ZNF879: variants seen among roughly 807,000 people sequenced by gnomAD.
The protein encoded by ZNF879 is zinc finger protein 879.
In ZNF879, 32 loss-of-function variants were observed where a neutral mutation model predicts 44.3. The ratio of observed to expected loss-of-function variants is 0.72; its 90% confidence interval spans 0.54 to 0.97. The LOEUF (loss-of-function observed/expected upper bound fraction) is 0.97, where lower values mean the gene tolerates loss of function less well. ZNF879 is among the 50% of genes least tolerant of loss of function. The probability of loss-of-function intolerance (pLI) is 0.00; values close to 1 mark genes in which losing one functional copy is unlikely to be tolerated. For synonymous variants in ZNF879, 234 were observed against 233.2 expected, an observed-to-expected ratio of 1.00 and a Z score of -0.03; for missense variants, 621 against 669.7, an observed-to-expected ratio of 0.93 and a Z score of 0.80.
chr5:179,024,124 C>T (rs1345712104), intron 1 of ZNF879, among the ~76,000 whole-genome samples: 1 of 152,326 alleles, frequency 6.6e-6, no homozygotes, highest in East Asian at 1.9e-4. Flanking sequence ...TGGGCCGCAG[C>T]CTGGGCCGGA....
Position 179,033,544 on chromosome 5 carries a change from A to G in ZNF879, c.1596A>G (p.Arg532=). The change falls in exon 5 of 5, where the codon AGA becomes AGG. Residue 532 remains arginine, a synonymous_variant. Transcript: ENST00000444149. The stretch of plus-strand genomic sequence containing the variant: ...GTTCATCCCTTATGACACACATGAG[A>G]ATTCATACAGGGGAAAAACCTTATA... ...RQSSSLMTHM[R]IHTGEKPYKC... is the part of the protein sequence containing the mutation. 2 of 1,553,968 alleles carry G rather than the reference A, an allele frequency of 1.3e-6. No individual in the cohort carries two copies. Among genetic ancestry groups the G allele is most frequent in the South Asian group, 2.4e-5 (2 of 84,160 alleles).
Position 179,033,757 on chromosome 5 carries a change from T to C in ZNF879, c.*117T>C. The C allele has an allele frequency of 1.4e-6, 1 of 714,216 alleles. No homozygotes were observed. The highest frequency in any genetic ancestry group is 2.8e-5 in the East Asian group (1 of 35,702). The allele number at this position is 714,216 out of a possible 1,614,324, so 44.2% of individuals were successfully genotyped here. Reference sequence around the variant, plus strand: ...TTAATCATAGGTAAAACTTCAGCATTAGACCTCATCACACATCAGAGACTT... The same window carrying C: ...TTAATCATAGGTAAAACTTCAGCATCAGACCTCATCACACATCAGAGACTT... On this transcript the variant is annotated 3_prime_UTR_variant, in exon 5 of 5. Transcript: ENST00000444149.
chr5:179,030,146 A>G (rs940032362), intron 4 of ZNF879, among the ~76,000 whole-genome samples: 1 of 152,234 alleles, frequency 6.6e-6, no homozygotes, highest in Non-Finnish European at 1.5e-5. Context: ...ATGAAATTCC[A>G]ACGAAGCACA....
chr5:179,030,394 C>G lies in ZNF879; in HGVS notation c.257-1811C>G, dbSNP rs187096313. Among the ~76,000 whole-genome samples the G allele has an allele frequency of 2.0e-5, 3 of 152,318 alleles. No individual in the cohort carries two copies. The East Asian group carries it at 5.8e-4, about 29-fold the overall frequency. ...ATGTTTGTTATAACATGAGGCATCA[C>G]TGCCACAAAAGGAGGAGGGTAAATG... On this transcript the variant is annotated intron_variant, in intron 4 of 4. Coordinates refer to ENST00000444149, the MANE Select transcript of ZNF879 (RefSeq NM_001136116.3).
intron 1 of ZNF879, 128 bp downstream of exon 1, chr5:179,024,032 A>C (rs889219530): frequency 6.6e-6 from 1 of 152,164 alleles, no homozygotes; most frequent in Non-Finnish European, 1.5e-5. Flanking sequence ...CGGCCTCGGC[A>C]GGTGAACCCG....
intron 2 of ZNF879, among the ~76,000 whole-genome samples, chr5:179,026,004 G>A (rs1761258277): frequency 1.3e-5 from 2 of 149,122 alleles, no homozygotes; most frequent in Admixed American, 6.8e-5. Flanking sequence ...AGAATCACTT[G>A]AACCCGGAAG....
At position 179,027,455 on chromosome 5, in the gene ZNF879, G is replaced by T; in HGVS notation, c.34-18G>T. ...TGGGGACAGTCCTGGATGAACAGGA[G>T]TGGGTTTGCCATTCCAGGAGTCCGT... On this transcript the variant is annotated intron_variant, in intron 2 of 4. Transcript: ENST00000444149. 6.2e-7 allele frequency: 1 copy of T among 1,613,434 alleles called. No individual in the cohort carries two copies. Among genetic ancestry groups the T allele is most frequent in the South Asian group, 1.1e-5 (1 of 90,914 alleles).
chr5:179,032,961 A>C lies in ZNF879; in HGVS notation c.1013A>C (p.His338Pro), dbSNP rs1554117525. Residue 338 changes from histidine (H) to proline (P), a missense_variant, in exon 5 of 5, where the codon CAT becomes CCT. Transcript: ENST00000444149. ...TCTCTCATTCAGCACCACAGAATTCATACTGGGGAGAAACCGTATGAATGT... is the reference window on the plus strand; with the variant it reads ...TCTCTCATTCAGCACCACAGAATTCCTACTGGGGAGAAACCGTATGAATGT... ...CSSLIQHHRI[H>P]TGEKPYECTQ... The C allele has an allele frequency of 6.4e-7, 1 of 1,558,952 alleles. No individual in the cohort carries two copies.
In ZNF879 at chr5:179,033,274, G is replaced by A; in HGVS notation, c.1326G>A (p.Arg442=). ...ECGKAFSWIS[R]LNIHHRIHTG... is the part of the protein sequence containing the mutation. ...GGAAAGCCTTCTCTTGGATTTCACG[G>A]CTTAATATACATCACAGAATTCACA... Residue 442 remains arginine (R), a synonymous_variant, in exon 5 of 5, where the codon CGG becomes CGA. Transcript: ENST00000444149. 4 of 1,581,188 alleles carry A rather than the reference G, an allele frequency of 2.5e-6. No homozygotes were observed. The highest frequency in any genetic ancestry group is 3.4e-6 in the Non-Finnish European group (4 of 1,163,574).
chr5:179,032,341 A>C lies in ZNF879; in HGVS notation c.393A>C (p.Gln131His). 4 of 1,551,352 alleles carry C rather than the reference A, an allele frequency of 2.6e-6. No homozygotes were observed. Among genetic ancestry groups the C allele is most frequent in the Non-Finnish European group, 2.6e-6 (3 of 1,146,932 alleles). Residue 131 changes from glutamine to histidine, a missense_variant, in exon 5 of 5, where the codon CAA becomes CAC. Physicochemically the swap from Gln to His is conservative, Grantham distance 24 (BLOSUM62 0). Coordinates refer to ENST00000444149, the MANE Select transcript of ZNF879 (RefSeq NM_001136116.3). ...ATGAAGATAAGTTAGAGAAGCAACAAGGCAAAAAGAACAGACTTTTCAGTA... is the reference window on the plus strand; with the variant it reads ...ATGAAGATAAGTTAGAGAAGCAACACGGCAAAAAGAACAGACTTTTCAGTA... ...YINEDKLEKQ[Q>H]GKKNRLFSKV...
chr5:179,029,706 G>A (rs755666775), intron 4 of ZNF879, among the ~76,000 whole-genome samples: 4 of 136,454 alleles, frequency 2.9e-5, no homozygotes, highest in Non-Finnish European at 6.8e-5. Flanking sequence ...ATCAATTATT[G>A]TTGTTTATTA....
chr5:179,027,526 G>A lies in ZNF879; in HGVS notation c.87G>A (p.Leu29=), dbSNP rs1761303242. The change falls in exon 3 of 5, where the codon TTG becomes TTA. Residue 29 remains leucine, a synonymous_variant. Coordinates refer to ENST00000444149, the MANE Select transcript of ZNF879 (RefSeq NM_001136116.3). ...TGTTCTTCAGCCAGGACGAGTGGTTGCACCTGGACTCTGCCCAGAGAGCCT... is the reference window on the plus strand; with the variant it reads ...TGTTCTTCAGCCAGGACGAGTGGTTACACCTGGACTCTGCCCAGAGAGCCT... ...VAVFFSQDEW[L]HLDSAQRALY... 6.2e-7 allele frequency: 1 copy of A among 1,614,176 alleles called. No homozygotes were observed. The highest frequency in any genetic ancestry group is 2.2e-5 in the East Asian group (1 of 44,878).
intron 2 of ZNF879, among the ~76,000 whole-genome samples, chr5:179,026,096 A>C (rs1166588686): frequency 2.0e-5 from 3 of 151,948 alleles, no homozygotes; most frequent in African/African-American, 2.4e-5. Context: ...AAAAAAAAAA[A>C]AAAAAACAAA....
At chr5:179,029,710 T>G (rs190153509) in intron 4 of ZNF879, among the ~76,000 whole-genome samples, 1,799 of 151,844 alleles carry the variant, frequency 0.012, 7 homozygotes, top group Non-Finnish European at 0.017. Context: ...ATTATTGTTG[T>G]TTATTACCCA....
At chr5:179,025,685 G>A (rs555971832) in intron 2 of ZNF879, among the ~76,000 whole-genome samples, 102 of 152,236 alleles carry the variant, frequency 6.7e-4, no homozygotes, top group African/African-American at 2.4e-3. Context: ...GGGAGGCCAA[G>A]GTGGGCAGAT....
At chr5:179,024,884 C>A in intron 1 of ZNF879, 86 bp from the exon 2 acceptor site, 4 of 1,085,854 alleles carry the variant, frequency 3.7e-6, no homozygotes, top group Non-Finnish European at 5.4e-6. Flanking sequence ...AGGTGCTCAG[C>A]TTATGGCTTC....
intron 4 of ZNF879, among the ~76,000 whole-genome samples, chr5:179,031,361 T>C (rs1005861905): frequency 7.2e-5 from 11 of 152,356 alleles, no homozygotes; most frequent in Non-Finnish European, 1.5e-4. Flanking sequence ...TCAGCTATCA[T>C]GGACTGCTAT....
At position 179,027,592 on chromosome 5, in the gene ZNF879, C is replaced by A; in HGVS notation, c.153C>A (p.Val51=). Residue 51 remains valine, a synonymous_variant, in exon 3 of 5, where the codon GTC becomes GTA. Transcript: ENST00000444149. ...EVMLENYSIL[V]SLGILFSKPK... is the part of the protein sequence containing the mutation. ...TGCTGGAGAACTACAGCATCCTGGTCTCACTGGGTAAGGAACTTTCCTCCT... is the reference window on the plus strand; with the variant it reads ...TGCTGGAGAACTACAGCATCCTGGTATCACTGGGTAAGGAACTTTCCTCCT... The A allele has an allele frequency of 5.6e-6, 9 of 1,614,020 alleles. No individual in the cohort carries two copies. Among genetic ancestry groups the A allele is most frequent in the Non-Finnish European group, 7.6e-6 (9 of 1,179,984 alleles).
chr5:179,025,895 T>G, intron 2 of ZNF879, among the ~76,000 whole-genome samples: 2 of 145,282 alleles, frequency 1.4e-5, no homozygotes, highest in African/African-American at 5.2e-5. Flanking sequence ...CCAGCCTGCG[T>G]GACACAGCGA....
Sources: allele counts gnomAD v4.1 joint callset (sites outside exome capture counted in the v4.1 genomes callset), GRCh38; gene constraint gnomAD v4.1.1; transcripts MANE v1.5; gene names NCBI Gene and HGNC (gene_info 2026-07-23, HGNC 2026-07-21).